KALRN: variants seen among roughly 807,000 people sequenced by gnomAD.
KALRN encodes kalirin.
A neutral mutation model predicts 353.7 loss-of-function variants in KALRN; 70 were observed. The ratio of observed to expected loss-of-function variants is 0.20; its 90% CI spans 0.16 to 0.24. The LOEUF (loss-of-function observed/expected upper bound fraction) is 0.24, where lower values mean the gene tolerates loss of function less well. Among genes scored for constraint, KALRN ranks in the 10% least tolerant of loss-of-function variants. The pLI is 1.00. For synonymous variants in KALRN, 1,391 were observed against 1,434.8 expected (o/e 0.97, Z 0.69); for missense variants, 2,791 against 3,756.7 (o/e 0.74, Z 6.72).
intron 1 of KALRN, among the ~76,000 whole-genome samples, chr3:124,087,777 A>G (rs972097860): frequency 9.9e-5 from 15 of 152,262 alleles, no homozygotes; most frequent in African/African-American, 3.1e-4. Flanking sequence ...TCTCTTCCAC[A>G]TGGCCTTTCC....
intron 33 of KALRN, 35 bp downstream of exon 33, chr3:124,496,448 C>G: frequency 2.7e-6 from 4 of 1,495,722 alleles, no homozygotes; most frequent in Non-Finnish European, 3.7e-6. Context: ...TCCCCTGAGA[C>G]TTCTTGATGG....
intron 5 of KALRN, among the ~76,000 whole-genome samples, chr3:124,295,682 A>C (rs1303880116): frequency 1.3e-5 from 2 of 152,338 alleles, no homozygotes; most frequent in African/African-American, 2.4e-5. Context: ...AGCGCTTTTC[A>C]TCACAAGTTC....
chr3:124,351,821 C>A (rs2082864931), intron 10 of KALRN, among the ~76,000 whole-genome samples: 1 of 152,172 alleles, frequency 6.6e-6, no homozygotes, highest in African/African-American at 2.4e-5. Flanking sequence ...TAAACAAATT[C>A]TTCAAATGCC....
At chr3:124,474,355 A>G (rs1008319966) in intron 25 of KALRN, among the ~76,000 whole-genome samples, 1 of 152,234 alleles carries the variant, frequency 6.6e-6, no homozygotes, top group African/African-American at 2.4e-5. Flanking sequence ...CTTGTGTAAA[A>G]AAGTAGATTC....
chr3:124,181,447 ATTAAAT>A (rs1196414521), intron 1 of KALRN, among the ~76,000 whole-genome samples: 5 of 152,074 alleles, frequency 3.3e-5, no homozygotes, highest in African/African-American at 1.2e-4. Context: ...AGCAGGTTAA[ATTAAAT>A]TAGAGGATGA....
intron 13 of KALRN, among the ~76,000 whole-genome samples, chr3:124,411,708 A>C (rs1242834268): frequency 6.6e-6 from 1 of 152,106 alleles, no homozygotes; most frequent in Non-Finnish European, 1.5e-5. Context: ...GGCCTCCCAA[A>C]TCACTGGGAT....
chr3:124,681,760 G>C (rs2087803018), intron 51 of KALRN, among the ~76,000 whole-genome samples: 1 of 151,266 alleles, frequency 6.6e-6, no homozygotes. Context: ...CTCCTGAGTA[G>C]CTGGGACCAC....
At chr3:124,376,637 T>G (rs151186811) in intron 10 of KALRN, among the ~76,000 whole-genome samples, 2,325 of 152,340 alleles carry the variant, frequency 0.015, 37 homozygotes, top group African/African-American at 0.043. Context: ...ACCTATTATG[T>G]GCTCAACTGA....
At chr3:124,177,521 T>C (rs964043190) in intron 1 of KALRN, among the ~76,000 whole-genome samples, 10 of 152,186 alleles carry the variant, frequency 6.6e-5, no homozygotes, top group Admixed American at 2.6e-4. Flanking sequence ...GAGGAAGCCC[T>C]GCAGTAGTAG....
chr3:124,470,155 GT>G (rs2060745449), intron 25 of KALRN, among the ~76,000 whole-genome samples: 1 of 152,166 alleles, frequency 6.6e-6, no homozygotes, highest in Admixed American at 6.5e-5. Flanking sequence ...TTCTTTAAAA[GT>G]TTTATTCCTT....
intron 28 of KALRN, among the ~76,000 whole-genome samples, chr3:124,487,942 G>T (rs2062738576): frequency 6.6e-6 from 1 of 152,192 alleles, no homozygotes; most frequent in Non-Finnish European, 1.5e-5. Flanking sequence ...TGCCTCAGTT[G>T]CTGCCTTACA....
chr3:124,518,388 T>A (rs930634715), intron 33 of KALRN: 2 of 1,613,002 alleles, frequency 1.2e-6, no homozygotes, highest in African/African-American at 1.3e-5. Context: ...AGCCCGGCCC[T>A]TTTCTTAACA....
intron 34 of KALRN, among the ~76,000 whole-genome samples, chr3:124,621,536 A>G (rs190178256): frequency 1.2e-3 from 190 of 152,348 alleles, no homozygotes; most frequent in African/African-American, 4.4e-3. Context: ...CTGAGCCAAG[A>G]TGCATCTGCC....
chr3:124,459,014 G>A (rs1240530920), intron 23 of KALRN, among the ~76,000 whole-genome samples: 2 of 152,108 alleles, frequency 1.3e-5, no homozygotes, highest in African/African-American at 2.4e-5. Context: ...AGGGCAGGAC[G>A]TTATTTAAAA....
chr3:124,175,660 T>C (rs1212920298), intron 1 of KALRN, among the ~76,000 whole-genome samples: 80 of 98,468 alleles, frequency 8.1e-4, no homozygotes, highest in East Asian at 1.6e-3. Context: ...AGTGTCCAGG[T>C]CTGTTCTCCA....
At chr3:124,148,854 G>A (rs1348940788) in intron 1 of KALRN, among the ~76,000 whole-genome samples, 1 of 152,166 alleles carries the variant, frequency 6.6e-6, no homozygotes. Context: ...TAGCAAGGAA[G>A]ATAGAAACTA....
chr3:124,393,323 A>G (rs1484351303), intron 11 of KALRN, among the ~76,000 whole-genome samples: 1 of 152,192 alleles, frequency 6.6e-6, no homozygotes, highest in Non-Finnish European at 1.5e-5. Flanking sequence ...TCTCTTCCCT[A>G]AAGACTTAAA....
intron 5 of KALRN, among the ~76,000 whole-genome samples, chr3:124,296,226 C>T (rs913237087): frequency 2.0e-5 from 3 of 152,314 alleles, no homozygotes; most frequent in Admixed American, 1.3e-4. Context: ...CCTTGAAACT[C>T]TCACAGGCCT....
At chr3:124,623,885 TCCTA>T (rs2079616210) in intron 34 of KALRN, among the ~76,000 whole-genome samples, 1 of 152,222 alleles carries the variant, frequency 6.6e-6, no homozygotes, top group Non-Finnish European at 1.5e-5. Flanking sequence ...GCACAAGCTC[TCCTA>T]GGCTTTATTC....
Sources: gnomAD v4.1 joint callset for allele counts (sites outside exome capture counted in the v4.1 genomes callset) on GRCh38, gnomAD v4.1.1 for gene constraint, MANE v1.5 for transcripts, NCBI Gene and HGNC (gene_info 2026-07-23, HGNC 2026-07-21) for gene names.